SNTG2: variants seen among roughly 807,000 people sequenced by gnomAD.
SNTG2 encodes gamma-2-syntrophin.
SNTG2 carries 74 observed loss-of-function variants against 70.9 expected under a neutral mutation model. The ratio of observed to expected loss-of-function variants is 1.04; its 90% CI spans 0.86 to 1.27. SNTG2 has a LOEUF of 1.27. SNTG2 is among the 50% of genes most tolerant of loss of function. The probability of loss-of-function intolerance (pLI) is 0.00; values close to 1 mark genes in which losing one functional copy is unlikely to be tolerated. For missense variants in SNTG2, 717 were observed against 690.7 expected (o/e 1.04, Z -0.43); for synonymous variants, 278 against 273.8 (o/e 1.02, Z -0.15).
chr2:995,716 TTTA>T (rs1661656424), intron 1 of SNTG2, among the ~76,000 whole-genome samples: 2 of 152,182 alleles, frequency 1.3e-5, no homozygotes, highest in African/African-American at 4.8e-5. Flanking sequence ...TTATGTATTT[TTTA>T]TTCAATTTTG....
intron 1 of SNTG2, among the ~76,000 whole-genome samples, chr2:1,063,966 CAAAAT>C (rs1662989287): frequency 6.6e-6 from 1 of 151,912 alleles, no homozygotes. Context: ...AAAATTAAAA[CAAAAT>C]CATTTTTGAA....
chr2:1,271,608 A>T (rs1572899590), intron 14 of SNTG2, among the ~76,000 whole-genome samples: 1 of 152,092 alleles, frequency 6.6e-6, no homozygotes, highest in Admixed American at 6.6e-5. Flanking sequence ...CAAGGTTTCC[A>T]TACTCCACCT....
chr2:1,022,771 C>T (rs1170179643), intron 1 of SNTG2, among the ~76,000 whole-genome samples: 1 of 152,052 alleles, frequency 6.6e-6, no homozygotes, highest in South Asian at 2.1e-4. Context: ...GTGAATTTTC[C>T]CTCTGTCATT....
intron 1 of SNTG2, among the ~76,000 whole-genome samples, chr2:1,027,412 G>A (rs112509003): frequency 1.7e-4 from 25 of 143,950 alleles, no homozygotes; most frequent in South Asian, 4.5e-4. Flanking sequence ...GTTGAGTAAA[G>A]AGATAAGCAG....
chr2:980,285 C>T (rs563615717), intron 1 of SNTG2, among the ~76,000 whole-genome samples: 2 of 152,248 alleles, frequency 1.3e-5, no homozygotes, highest in Admixed American at 1.3e-4. Flanking sequence ...TAAAGGTGAG[C>T]AGGTGGGAGA....
intron 4 of SNTG2, among the ~76,000 whole-genome samples, chr2:1,132,269 A>G (rs574249446): frequency 1.3e-5 from 2 of 152,074 alleles, no homozygotes; most frequent in Non-Finnish European, 2.9e-5. Context: ...ACACATACAT[A>G]CACACATACA....
chr2:1,021,024 A>G (rs535919571), intron 1 of SNTG2, among the ~76,000 whole-genome samples: 1 of 152,248 alleles, frequency 6.6e-6, no homozygotes, highest in Admixed American at 6.5e-5. Context: ...CTCATCAACT[A>G]TAGAGACACT....
intron 13 of SNTG2, among the ~76,000 whole-genome samples, chr2:1,263,585 G>T (rs1678563204): frequency 6.6e-6 from 1 of 152,022 alleles, no homozygotes; most frequent in South Asian, 2.1e-4. Context: ...CGTGGGGGTG[G>T]CTGGAAATGC....
At chr2:1,132,843 C>G (rs1053817366) in intron 4 of SNTG2, among the ~76,000 whole-genome samples, 5 of 152,252 alleles carry the variant, frequency 3.3e-5, no homozygotes, top group African/African-American at 1.2e-4. Context: ...GCCCCATGCC[C>G]TGCACCTGCC....
chr2:1,035,292 A>T (rs1661068174), intron 1 of SNTG2, among the ~76,000 whole-genome samples: 1 of 152,096 alleles, frequency 6.6e-6, no homozygotes, highest in Non-Finnish European at 1.5e-5. Flanking sequence ...CTCATCAGGG[A>T]GTGGAATTCT....
intron 12 of SNTG2, among the ~76,000 whole-genome samples, chr2:1,248,012 C>G (rs986803291): frequency 6.6e-5 from 10 of 152,118 alleles, no homozygotes; most frequent in African/African-American, 2.4e-4. Context: ...TCAATTTAAA[C>G]AGCTTTACTT....
At chr2:1,091,298 C>T (rs941817473) in intron 2 of SNTG2, among the ~76,000 whole-genome samples, 2 of 152,102 alleles carry the variant, frequency 1.3e-5, no homozygotes, top group Non-Finnish European at 2.9e-5. Flanking sequence ...AGCCCCAGGT[C>T]CCTGGACCAC....
At chr2:1,030,288 G>A (rs551455420) in intron 1 of SNTG2, among the ~76,000 whole-genome samples, 2 of 152,106 alleles carry the variant, frequency 1.3e-5, no homozygotes, top group East Asian at 1.9e-4. Flanking sequence ...GACGTGCTTC[G>A]TGCTTAGAAA....
intron 2 of SNTG2, among the ~76,000 whole-genome samples, chr2:1,091,036 C>T (rs775963201): frequency 5.3e-5 from 8 of 152,186 alleles, no homozygotes; most frequent in African/African-American, 9.7e-5. Flanking sequence ...GGTCGCCTGA[C>T]GTTCTGGGGC....
At chr2:1,329,787 G>A (rs951885682) in intron 16 of SNTG2, among the ~76,000 whole-genome samples, 2 of 152,154 alleles carry the variant, frequency 1.3e-5, no homozygotes, top group Admixed American at 6.5e-5. Flanking sequence ...TTATTGACGA[G>A]TGTTGTACCC....
intron 6 of SNTG2, among the ~76,000 whole-genome samples, chr2:1,153,859 C>T (rs1230899537): frequency 6.6e-6 from 1 of 152,172 alleles, no homozygotes; most frequent in African/African-American, 2.4e-5. Flanking sequence ...GCACAATGCC[C>T]ACGAGAGCTG....
intron 14 of SNTG2, among the ~76,000 whole-genome samples, chr2:1,283,057 G>T (rs1377267547): frequency 6.6e-6 from 1 of 152,148 alleles, no homozygotes; most frequent in Non-Finnish European, 1.5e-5. Context: ...AGTCTTCCAT[G>T]CACCGCCCAC....
At chr2:1,074,038 A>G (rs995808301) in intron 1 of SNTG2, among the ~76,000 whole-genome samples, 2 of 152,202 alleles carry the variant, frequency 1.3e-5, no homozygotes, top group African/African-American at 4.8e-5. Context: ...CAATATTGAT[A>G]TGTGGGTTCA....
chr2:1,157,639 G>C (rs558387510), intron 6 of SNTG2, among the ~76,000 whole-genome samples: 1 of 152,202 alleles, frequency 6.6e-6, no homozygotes, highest in Non-Finnish European at 1.5e-5. Flanking sequence ...GCTAAGGTCT[G>C]TTTCTTTATT....
Sources: gnomAD v4.1 joint callset for allele counts (sites outside exome capture counted in the v4.1 genomes callset) on GRCh38, gnomAD v4.1.1 for gene constraint, MANE v1.5 for transcripts, NCBI Gene and HGNC (gene_info 2026-07-23, HGNC 2026-07-21) for gene names.